The following TAFA1 variants were observed in gnomAD, a reference collection of about 807,000 sequenced individuals.
TAFA1 encodes the protein chemokine-like protein TAFA-1.
Under a neutral mutation model 18.5 loss-of-function variants are expected in TAFA1, and 4 were observed. The observed-to-expected ratio is 0.22, with a 90% CI of 0.11 to 0.49. The LOEUF (loss-of-function observed/expected upper bound fraction) is 0.49, where lower values mean the gene tolerates loss of function less well. Ranked by LOEUF, TAFA1 falls within the 20% of genes least tolerant of loss-of-function variation. TAFA1 has a pLI of 0.98. For synonymous variants in TAFA1, 56 were observed against 55.2 expected, an observed-to-expected ratio of 1.01 and a Z score of -0.06; for missense variants, 147 against 169.0, an observed-to-expected ratio of 0.87 and a Z score of 0.72.
chr3:68,318,447 T>A lies in TAFA1; in HGVS notation c.119-98833T>A, dbSNP rs6767472. Reference sequence around the variant, plus strand: ...AATAGAATCATAGATCCTTCAGGTATAAGGGATCTTTAAAGTCGCCAAGCT... The same window carrying A: ...AATAGAATCATAGATCCTTCAGGTAAAAGGGATCTTTAAAGTCGCCAAGCT... On this transcript the variant is annotated intron_variant, in intron 2 of 4. Coordinates refer to ENST00000478136, the MANE Select transcript of TAFA1 (RefSeq NM_213609.4). 2.4e-3 allele frequency among the ~76,000 whole-genome samples: 366 copies of A among 152,328 alleles called. 6 individuals are homozygous for A. Among genetic ancestry groups the A allele is most frequent in the African/African-American group, 8.4e-3 (348 of 41,572 alleles).
At chr3:68,460,445 GAGAGAC>G (rs1269210520) in intron 3 of TAFA1, among the ~76,000 whole-genome samples, 1 of 152,154 alleles carries the variant, frequency 6.6e-6, no homozygotes, top group Non-Finnish European at 1.5e-5. Flanking sequence ...AGGTCCAGGG[GAGAGAC>G]AGACTTTTAG....
intron 2 of TAFA1, chr3:68,145,229 T>C (rs1301592037): frequency 3.8e-6 from 3 of 790,700 alleles, no homozygotes; most frequent in Non-Finnish European, 7.0e-6. Flanking sequence ...GGGAATTTGG[T>C]CAGTAGGACG....
intron 2 of TAFA1, among the ~76,000 whole-genome samples, chr3:68,303,552 C>T (rs1333848041): frequency 2.0e-5 from 3 of 152,166 alleles, no homozygotes; most frequent in South Asian, 2.1e-4. Context: ...GCCATTCTCC[C>T]GCCTCAGCCT....
intron 2 of TAFA1, among the ~76,000 whole-genome samples, chr3:68,240,681 GAC>G (rs1205182158): frequency 6.6e-6 from 1 of 152,150 alleles, no homozygotes; most frequent in African/African-American, 2.4e-5. Context: ...CCTTTGGAAA[GAC>G]ACAGAGTGGA....
intron 2 of TAFA1, among the ~76,000 whole-genome samples, chr3:68,300,417 A>C (rs2068281681): frequency 6.6e-6 from 1 of 152,120 alleles, no homozygotes; most frequent in South Asian, 2.1e-4. Context: ...ACATTTACCC[A>C]ATGCCGCTAC....
intron 2 of TAFA1, among the ~76,000 whole-genome samples, chr3:68,130,785 C>A (rs2065526105): frequency 6.6e-6 from 1 of 152,122 alleles, no homozygotes; most frequent in African/African-American, 2.4e-5. Context: ...AGCCTCCCTT[C>A]TCACCAGCAG....
At chr3:68,249,058 C>A (rs991946136) in intron 2 of TAFA1, among the ~76,000 whole-genome samples, 1 of 152,096 alleles carries the variant, frequency 6.6e-6, no homozygotes, top group Non-Finnish European at 1.5e-5. Context: ...GCCTCTTGAA[C>A]CTGGTGCCTT....
At chr3:68,421,551 A>G (rs2106810037) in intron 3 of TAFA1, among the ~76,000 whole-genome samples, 1 of 152,248 alleles carries the variant, frequency 6.6e-6, no homozygotes, top group South Asian at 2.1e-4. Flanking sequence ...TACTGATAGA[A>G]TGACATTTTT....
chr3:68,428,931 A>G (rs1439052295), intron 3 of TAFA1, among the ~76,000 whole-genome samples: 1 of 151,984 alleles, frequency 6.6e-6, no homozygotes, highest in Non-Finnish European at 1.5e-5. Flanking sequence ...TCCCGGGTAC[A>G]AGAAACCTAA....
intron 2 of TAFA1, among the ~76,000 whole-genome samples, chr3:68,119,046 T>A (rs1022103522): frequency 6.6e-6 from 1 of 151,880 alleles, no homozygotes. Context: ...ATTTTCTTTT[T>A]TTTGGGTTTT....
intron 2 of TAFA1, among the ~76,000 whole-genome samples, chr3:68,231,344 ATT>A (rs1175174572): frequency 1.4e-4 from 11 of 79,874 alleles, no homozygotes; most frequent in African/African-American, 3.5e-4. Flanking sequence ...AATCTATTTG[ATT>A]TTTTTTTTTT....
intron 2 of TAFA1, among the ~76,000 whole-genome samples, chr3:68,361,819 A>G (rs940311278): frequency 1.2e-4 from 19 of 152,056 alleles, no homozygotes; most frequent in African/African-American, 4.6e-4. Flanking sequence ...AATCTGTGAG[A>G]TTTATCTTAT....
In TAFA1 at chr3:68,230,864, G is replaced by A. The variant is rs867597527; in HGVS notation, c.119-186416G>A. On this transcript the variant is annotated intron_variant, in intron 2 of 4. Transcript: ENST00000478136. ...TTGTGGTTTTCATTTGCATTTCTCT[G>A]ATATTAGTGATGTTGAATATTTTTA... Among the ~76,000 whole-genome samples the A allele has an allele frequency of 5.3e-5, 8 of 152,252 alleles. No homozygotes were observed. In the Middle Eastern group the frequency reaches 0.02, roughly 388 times the overall value.
intron 2 of TAFA1, among the ~76,000 whole-genome samples, chr3:68,133,132 C>T (rs2065563236): frequency 6.6e-6 from 1 of 152,120 alleles, no homozygotes; most frequent in South Asian, 2.1e-4. Flanking sequence ...GGAATCCTTC[C>T]TCCTTGCTTG....
At chr3:68,103,121 T>C (rs2065166568) in intron 2 of TAFA1, among the ~76,000 whole-genome samples, 1 of 152,226 alleles carries the variant, frequency 6.6e-6, no homozygotes. Context: ...CAAAGTCATG[T>C]GTTCTGTTCC....
intron 2 of TAFA1, among the ~76,000 whole-genome samples, chr3:68,042,679 T>C (rs1334999840): frequency 6.6e-6 from 1 of 152,156 alleles, no homozygotes; most frequent in Non-Finnish European, 1.5e-5. Flanking sequence ...TTATGTATTA[T>C]ATTTAAATAG....
chr3:68,259,130 G>C (rs372527738), intron 2 of TAFA1, among the ~76,000 whole-genome samples: 1 of 152,170 alleles, frequency 6.6e-6, no homozygotes, highest in African/African-American at 2.4e-5. Context: ...GCTCCCAGGT[G>C]CCACTGTGGG....
intron 2 of TAFA1, among the ~76,000 whole-genome samples, chr3:68,134,339 T>C (rs531079630): frequency 6.6e-6 from 1 of 152,018 alleles, no homozygotes; most frequent in Non-Finnish European, 1.5e-5. Context: ...AGGATAAGTT[T>C]CTCAAAGTAC....
intron 3 of TAFA1, among the ~76,000 whole-genome samples, chr3:68,495,190 C>G (rs2072523485): frequency 1.3e-5 from 2 of 152,188 alleles, no homozygotes; most frequent in Non-Finnish European, 2.9e-5. Flanking sequence ...AGCAGTTGAG[C>G]TGTATACTTA....
Sources: allele counts gnomAD v4.1 joint callset (sites outside exome capture counted in the v4.1 genomes callset), GRCh38; gene constraint gnomAD v4.1.1; transcripts MANE v1.5; gene names NCBI Gene and HGNC (gene_info 2026-07-23, HGNC 2026-07-21).